Variants in PGS1 observed in about 807,000 individuals in gnomAD.
PGS1 encodes phosphatidylglycerophosphate synthase 1.
In PGS1, 44 loss-of-function variants were observed where a neutral mutation model predicts 58.3. That is an observed-to-expected ratio of 0.75 (90% CI 0.59 to 0.97). The LOEUF (loss-of-function observed/expected upper bound fraction) is 0.97. Ranked by LOEUF, PGS1 falls within the 50% of genes least tolerant of loss-of-function variation. The probability of loss-of-function intolerance (pLI) is 0.00; values close to 1 mark genes in which losing one functional copy is unlikely to be tolerated. For missense variants in PGS1, 684 were observed against 731.1 expected, an observed-to-expected ratio of 0.94 and a Z score of 0.74; for synonymous variants, 330 against 311.0, an observed-to-expected ratio of 1.06 and a Z score of -0.64.
intron 4 of PGS1, among the ~76,000 whole-genome samples, chr17:78,398,962 A>G (rs537465126): frequency 2.9e-4 from 44 of 152,310 alleles, no homozygotes; most frequent in African/African-American, 1.0e-3. Flanking sequence ...CGAGTAGCCC[A>G]GCCCAGGCCT....
chr17:78,419,862 A>C, intron 9 of PGS1, 187 bp downstream of exon 9: 1 of 1,354,918 alleles, frequency 7.4e-7, no homozygotes, highest in Non-Finnish European at 9.6e-7. Context: ...TAAATTAGGC[A>C]GTCTGTTCAC....
intron 1 of PGS1, among the ~76,000 whole-genome samples, chr17:78,386,880 G>C (rs1294984874): frequency 6.6e-6 from 1 of 152,196 alleles, no homozygotes; most frequent in African/African-American, 2.4e-5. Context: ...CCTGAGCAGC[G>C]AGCAGTATAG....
At chr17:78,386,971 G>C (rs1270951195) in intron 1 of PGS1, among the ~76,000 whole-genome samples, 1 of 147,630 alleles carries the variant, frequency 6.8e-6, no homozygotes, top group African/African-American at 2.6e-5. Context: ...TGATGATGAT[G>C]ATGATGATGG....
intron 7 of PGS1, among the ~76,000 whole-genome samples, chr17:78,413,251 G>T (rs993257440): frequency 6.6e-6 from 1 of 152,238 alleles, no homozygotes; most frequent in Non-Finnish European, 1.5e-5. Context: ...AAATGCTCTT[G>T]CTCTGAGTGA....
At chr17:78,394,192 A>G (rs1327704541) in intron 2 of PGS1, among the ~76,000 whole-genome samples, 1 of 151,202 alleles carries the variant, frequency 6.6e-6, no homozygotes, top group Non-Finnish European at 1.5e-5. Flanking sequence ...AAAAAAAAAA[A>G]AAAAAAAGAA....
intron 2 of PGS1, among the ~76,000 whole-genome samples, chr17:78,394,720 T>C (rs2083098427): frequency 6.6e-6 from 1 of 152,044 alleles, no homozygotes; most frequent in Non-Finnish European, 1.5e-5. Flanking sequence ...CATGCCTGGC[T>C]AATTTTATAT....
In PGS1 at chr17:78,400,669, C is replaced by T. The variant is rs2083586916; in HGVS notation, c.702-8C>T. The T allele has an allele frequency of 1.9e-6, 3 of 1,613,422 alleles. No homozygotes were observed. The highest frequency in any genetic ancestry group is 2.7e-5 in the African/African-American group (2 of 75,010). ...AGTCCTCCTCACCTGCATCTTCCCTCCCTGTAGTGCAAACCTGAGTGACTC... is the reference window on the plus strand; with the variant it reads ...AGTCCTCCTCACCTGCATCTTCCCTTCCTGTAGTGCAAACCTGAGTGACTC... On this transcript the variant is annotated splice_polypyrimidine_tract_variant and splice_region_variant and intron_variant, in intron 5 of 9. Coordinates refer to ENST00000262764, the MANE Select transcript of PGS1 (RefSeq NM_024419.5). The surrounding 1 kb of genome is among the most constrained non-coding windows in gnomAD (Gnocchi z 4.4).
At chr17:78,415,166 G>A in intron 8 of PGS1, 139 bp downstream of exon 8, 1 of 987,714 alleles carries the variant, frequency 1.0e-6, no homozygotes, top group Non-Finnish European at 1.5e-6. Flanking sequence ...AAAGACTCTG[G>A]GTCTCCAAGA....
Position 78,404,099 on chromosome 17 carries a change from G to C in PGS1, c.1402+10G>C. 3 of 1,519,584 alleles carry C rather than the reference G, an allele frequency of 2.0e-6. No individual in the cohort carries two copies. The highest frequency in any genetic ancestry group is 2.6e-6 in the Non-Finnish European group (3 of 1,132,624). The allele number at this position is 1,519,584 out of a possible 1,614,324, so 94.1% of individuals were successfully genotyped here. A position where few individuals can be genotyped will look rare whatever the true frequency, so the allele number is the denominator to read the frequency against. On this transcript the variant is annotated intron_variant, in intron 7 of 9. Coordinates refer to ENST00000262764, the MANE Select transcript of PGS1 (RefSeq NM_024419.5). The stretch of plus-strand genomic sequence containing the variant: ...ACGTTCCACGCCAAAGGTGCGCAGC[G>C]GCTGGCTGGAGGACGTTCCAGTGTG...
chr17:78,379,139 G>A (rs1240909776), intron 1 of PGS1, among the ~76,000 whole-genome samples: 1 of 152,210 alleles, frequency 6.6e-6, no homozygotes, highest in Non-Finnish European at 1.5e-5. Context: ...GGGACTGTGT[G>A]TGCGTTCAGG....
chr17:78,415,065 G>C, intron 8 of PGS1, 38 bp downstream of exon 8: 1 of 1,541,018 alleles, frequency 6.5e-7, no homozygotes, highest in Non-Finnish European at 8.7e-7. Flanking sequence ...GGGCGCTGAG[G>C]GTGTGGCTGG....
intron 8 of PGS1, among the ~76,000 whole-genome samples, chr17:78,418,436 T>C (rs546241279): frequency 4.9e-4 from 75 of 152,288 alleles, no homozygotes; most frequent in African/African-American, 1.6e-3. Flanking sequence ...TGTGTGTATT[T>C]CGTGTCCAGC....
chr17:78,417,264 C>T (rs1229741184), intron 8 of PGS1, among the ~76,000 whole-genome samples: 1 of 152,214 alleles, frequency 6.6e-6, no homozygotes, highest in Non-Finnish European at 1.5e-5. Flanking sequence ...TTTGAAGACA[C>T]AAAGCTGGAG....
intron 1 of PGS1, among the ~76,000 whole-genome samples, chr17:78,389,997 G>A (rs1431581987): frequency 6.6e-6 from 1 of 152,166 alleles, no homozygotes; most frequent in African/African-American, 2.4e-5. Context: ...TTTTTGGATG[G>A]TCTGAGAGAT....
intron 7 of PGS1, among the ~76,000 whole-genome samples, chr17:78,405,748 G>A (rs1373218491): frequency 3.3e-5 from 5 of 152,208 alleles, no homozygotes; most frequent in Non-Finnish European, 7.3e-5. Context: ...GGTGCCTGGA[G>A]GCCCCTGTGC....
intron 1 of PGS1, among the ~76,000 whole-genome samples, chr17:78,380,416 A>G (rs1486060850): frequency 6.6e-6 from 1 of 152,166 alleles, no homozygotes; most frequent in Non-Finnish European, 1.5e-5. Flanking sequence ...CGAAAACTCA[A>G]GTTTGATTTA....
chr17:78,401,118 AG>A (rs1311179740), intron 6 of PGS1, among the ~76,000 whole-genome samples: 2 of 152,042 alleles, frequency 1.3e-5, no homozygotes, highest in Non-Finnish European at 1.5e-5. Context: ...TTTGCACTAC[AG>A]GGAGGGAAGA....
Position 78,398,265 on chromosome 17 carries a change from A to G in PGS1, c.425A>G (p.Glu142Gly). Residue 142 changes from glutamate to glycine, a missense_variant, in exon 4 of 10, where the codon GAA (glutamate) becomes GGA (glycine). Transcript: ENST00000262764. ...PLEQELVDCLESTLEKSLQAK... is the reference protein window; with the variant it reads ...PLEQELVDCLGSTLEKSLQAK... ...CTTTCTTGGTAGGTGGACTGCCTGG[A>G]AAGTACTCTAGAAAAGTCACTCCAA... 1.2e-6 allele frequency: 2 copies of G among 1,612,276 alleles called. No individual in the cohort carries two copies. Among genetic ancestry groups the G allele is most frequent in the South Asian group, 1.1e-5 (1 of 91,056 alleles).
In PGS1 at chr17:78,424,232, A is replaced by T; in HGVS notation, c.*182A>T. ...GGCTGGCAGGAAGGGTGGGGTCCTC[A>T]CACTCCCCGCCCTCTGCAGAGCTGG... is the stretch of plus-strand genomic sequence containing the variant. On this transcript the variant is annotated 3_prime_UTR_variant, in exon 10 of 10. Transcript: ENST00000262764. The T allele has an allele frequency of 6.6e-7, 1 of 1,510,692 alleles. No individual in the cohort carries two copies. The highest frequency in any genetic ancestry group is 8.9e-7 in the Non-Finnish European group (1 of 1,127,738). 93.6% of individuals were successfully genotyped at this position (1,510,692 alleles called of 1,614,324 possible). A position where few individuals can be genotyped will look rare whatever the true frequency, so the allele number is the denominator to read the frequency against.
Sources: allele counts gnomAD v4.1 joint callset (sites outside exome capture counted in the v4.1 genomes callset), GRCh38; gene constraint gnomAD v4.1.1; non-coding constraint Gnocchi (gnomAD v3.1); transcripts MANE v1.5; gene names NCBI Gene and HGNC (gene_info 2026-07-23, HGNC 2026-07-21).